DYM: variants seen among roughly 807,000 people sequenced by gnomAD.
DYM encodes dymeclin, also known as dyggve-Melchior-Clausen syndrome protein.
Under a neutral mutation model 93.1 loss-of-function variants are expected in DYM, and 78 were observed. The ratio of observed to expected loss-of-function variants is 0.84; its 90% CI spans 0.70 to 1.01. The LOEUF is 1.01. Among genes scored for constraint, DYM ranks in the 50% least tolerant of loss-of-function variants. The pLI is 0.00. For synonymous variants in DYM, 321 were observed against 319.7 expected (o/e 1.00, Z -0.04); for missense variants, 789 against 845.0 (o/e 0.93, Z 0.82).
intron 9 of DYM, among the ~76,000 whole-genome samples, chr18:49,283,273 G>C (rs1426153097): frequency 6.6e-6 from 1 of 152,092 alleles, no homozygotes; most frequent in Non-Finnish European, 1.5e-5. Flanking sequence ...ATTGCAGGTT[G>C]GGGGCCATCT....
intron 16 of DYM, 164 bp downstream of exon 16, chr18:49,118,580 C>A: frequency 1.5e-6 from 1 of 672,352 alleles, no homozygotes; most frequent in East Asian, 2.8e-5. Flanking sequence ...GTATATACAA[C>A]ACACACACAG....
chr18:49,450,293 C>T (rs1242707435), intron 1 of DYM, among the ~76,000 whole-genome samples: 2 of 152,170 alleles, frequency 1.3e-5, no homozygotes, highest in East Asian at 3.8e-4. Context: ...GACTTCACCC[C>T]ATGGTCATTG....
At chr18:49,045,935 G>A (rs1461149318) in intron 17 of DYM, among the ~76,000 whole-genome samples, 2 of 152,288 alleles carry the variant, frequency 1.3e-5, no homozygotes, top group Admixed American at 6.5e-5. Flanking sequence ...CCATCACAGC[G>A]GGGAGAACTG....
intron 13 of DYM, among the ~76,000 whole-genome samples, chr18:49,249,714 G>A (rs2094246247): frequency 6.6e-6 from 1 of 151,638 alleles, no homozygotes; most frequent in African/African-American, 2.4e-5. Context: ...ATGAGTGCAG[G>A]GCAGGAAAAG....
intron 6 of DYM, among the ~76,000 whole-genome samples, chr18:49,352,243 T>G (rs10460080): frequency 1.3e-5 from 2 of 152,338 alleles, no homozygotes; most frequent in East Asian, 3.9e-4. Flanking sequence ...AATGGGCACA[T>G]GGCTTCTGCC....
chr18:49,103,693 G>T (rs1385659866), intron 16 of DYM, among the ~76,000 whole-genome samples: 1 of 152,046 alleles, frequency 6.6e-6, no homozygotes, highest in Non-Finnish European at 1.5e-5. Context: ...TCTTGTTTTT[G>T]TCAGGTTTGT....
chr18:49,231,062 G>T (rs749335836), intron 13 of DYM, among the ~76,000 whole-genome samples: 4 of 152,166 alleles, frequency 2.6e-5, no homozygotes, highest in Non-Finnish European at 4.4e-5. Flanking sequence ...CTTTTAGATA[G>T]ATATATTAGC....
intron 6 of DYM, among the ~76,000 whole-genome samples, chr18:49,345,917 A>G (rs991388828): frequency 2.6e-5 from 4 of 152,250 alleles, no homozygotes; most frequent in African/African-American, 9.6e-5. Context: ...ATGTCCATCA[A>G]TAAGGGCATG....
chr18:49,251,775 T>C (rs139111861), intron 13 of DYM, among the ~76,000 whole-genome samples: 3 of 152,274 alleles, frequency 2.0e-5, no homozygotes, highest in Non-Finnish European at 2.9e-5. Flanking sequence ...GTTCTGGAGC[T>C]GAGATCTCAA....
chr18:49,282,184 C>T lies in DYM; in HGVS notation c.947-9G>A. 6.2e-7 allele frequency: 1 copy of T among 1,611,822 alleles called. No individual in the cohort carries two copies. The highest frequency in any genetic ancestry group is 8.5e-7 in the Non-Finnish European group (1 of 1,178,124). ...GGGGAAAGGACTGCTATCTGGAATA[C>T]AGAAAACAGCACATCAGTAATTTCT... On this transcript the variant is annotated splice_polypyrimidine_tract_variant and intron_variant, in intron 9 of 17. Transcript: ENST00000675505.
chr18:49,086,405 T>C (rs947710372), intron 17 of DYM, among the ~76,000 whole-genome samples: 1 of 152,194 alleles, frequency 6.6e-6, no homozygotes, highest in African/African-American at 2.4e-5. Flanking sequence ...CGTTACTCCA[T>C]GAATGGATTA....
At chr18:49,429,976 T>C (rs2074654885) in intron 2 of DYM, among the ~76,000 whole-genome samples, 1 of 152,244 alleles carries the variant, frequency 6.6e-6, no homozygotes, top group Non-Finnish European at 1.5e-5. Flanking sequence ...TTTGTGAAAC[T>C]ATATGGGATA....
intron 15 of DYM, among the ~76,000 whole-genome samples, chr18:49,148,689 A>T (rs1398539735): frequency 6.6e-6 from 1 of 152,244 alleles, no homozygotes; most frequent in Non-Finnish European, 1.5e-5. Context: ...CACTCTATCC[A>T]AAACTTTTCT....
intron 8 of DYM, among the ~76,000 whole-genome samples, chr18:49,317,692 T>TTCCTTCCCTC (rs1568237353): frequency 2.5e-5 from 1 of 39,376 alleles, no homozygotes; most frequent in Non-Finnish European, 5.1e-5. Context: ...TTCCTTCCTT[T>TTCCTTCCCTC]CTTTCTTTCT....
At chr18:49,361,658 G>C (rs1468261249) in intron 6 of DYM, among the ~76,000 whole-genome samples, 1 of 152,122 alleles carries the variant, frequency 6.6e-6, no homozygotes, top group Non-Finnish European at 1.5e-5. Flanking sequence ...AAGTGGGAGA[G>C]GCAATTATCA....
intron 13 of DYM, among the ~76,000 whole-genome samples, chr18:49,250,904 G>A (rs144252838): frequency 2.6e-5 from 4 of 152,330 alleles, no homozygotes; most frequent in African/African-American, 7.2e-5. Flanking sequence ...AAAGGGCAGG[G>A]CCCAGACTAT....
At chr18:49,420,626 A>G (rs1023801810) in intron 2 of DYM, among the ~76,000 whole-genome samples, 9 of 152,106 alleles carry the variant, frequency 5.9e-5, no homozygotes, top group Non-Finnish European at 8.8e-5. Context: ...TGCATTTCCA[A>G]CTGAGGTACC....
intron 13 of DYM, among the ~76,000 whole-genome samples, chr18:49,214,071 T>C (rs539396220): frequency 1.1e-4 from 17 of 152,156 alleles, no homozygotes; most frequent in Non-Finnish European, 2.1e-4. Context: ...CGGATTCCCT[T>C]ACAGAAAAAT....
chr18:49,206,003 G>GTTTTT (rs72500406), intron 14 of DYM: 8 of 142,822 alleles, frequency 5.6e-5, no homozygotes, highest in Non-Finnish European at 7.1e-5. Context: ...TTTTTTTTTT[G>GTTTTT]TTTTTTTGTT....
Sources: gnomAD v4.1 joint callset for allele counts (sites outside exome capture counted in the v4.1 genomes callset) on GRCh38, gnomAD v4.1.1 for gene constraint, MANE v1.5 for transcripts, NCBI Gene and HGNC (gene_info 2026-07-23, HGNC 2026-07-21) for gene names.